The following PLXNA2 variants were observed in gnomAD, a reference collection of about 807,000 sequenced individuals.
The protein encoded by PLXNA2 is plexin-A2.
Under a neutral mutation model 193.5 loss-of-function variants are expected in PLXNA2, and 91 were observed. The ratio of observed to expected loss-of-function variants is 0.47; its 90% CI spans 0.40 to 0.56. The LOEUF (loss-of-function observed/expected upper bound fraction) is 0.56. Among genes scored for constraint, PLXNA2 ranks in the 20% least tolerant of loss-of-function variants. PLXNA2 has a pLI of 0.00. For synonymous variants in PLXNA2, 997 were observed against 1,027.3 expected, an observed-to-expected ratio of 0.97 and a Z score of 0.56; for missense variants, 1,995 against 2,503.2, an observed-to-expected ratio of 0.80 and a Z score of 4.33.
At chr1:208,121,993 C>T (rs1028881743) in intron 4 of PLXNA2, among the ~76,000 whole-genome samples, 11 of 152,184 alleles carry the variant, frequency 7.2e-5, no homozygotes, top group South Asian at 4.1e-4. Flanking sequence ...CATCTCCCCT[C>T]ATACCCCCAC....
At chr1:208,166,469 C>T (rs1231471700) in intron 3 of PLXNA2, among the ~76,000 whole-genome samples, 1 of 152,224 alleles carries the variant, frequency 6.6e-6, no homozygotes, top group Non-Finnish European at 1.5e-5. Flanking sequence ...GCTTGAATGC[C>T]TCCTGTGCAA....
At chr1:208,243,365 C>T (rs1672124870) in intron 1 of PLXNA2, among the ~76,000 whole-genome samples, 1 of 152,044 alleles carries the variant, frequency 6.6e-6, no homozygotes, top group Admixed American at 6.5e-5. Flanking sequence ...CTGCTGCCGC[C>T]CTCAGCCCGC....
In PLXNA2 at chr1:208,024,303, AAGAGAGGCCAAC is replaced by A. The variant is rs1348787557; in HGVS notation, c.*2928_*2939del. 6.6e-6 allele frequency: 1 copy of A among 152,024 alleles called. No homozygotes were observed. The highest frequency in any genetic ancestry group is 1.5e-5 in the Non-Finnish European group (1 of 68,024). The allele number at this position is 152,024 out of a possible 1,614,324, so 9.4% of individuals were successfully genotyped here. A position where few individuals can be genotyped will look rare whatever the true frequency, so the allele number is the denominator to read the frequency against. On this transcript the variant is annotated 3_prime_UTR_variant, in exon 32 of 32. Transcript: ENST00000367033. ...TATCCTCAAATTGGATAACAGGGAG[AAGAGAGGCCAAC>A]CAACTCCCTCTTTTTCTCATCCAAA...
chr1:208,163,665 C>T (rs1284673094), intron 3 of PLXNA2, among the ~76,000 whole-genome samples: 1 of 152,182 alleles, frequency 6.6e-6, no homozygotes, highest in Admixed American at 6.5e-5. Flanking sequence ...TCCCTTTTCT[C>T]CCAGTAGTTC....
At position 208,235,077 on chromosome 1, in the gene PLXNA2, C is replaced by T. The variant is rs1038046007; in HGVS notation, c.-81+8566G>A. Among the ~76,000 whole-genome samples, 11 of 152,200 alleles carry T rather than the reference C, an allele frequency of 7.2e-5. 1 individual carries two copies. The highest frequency in any genetic ancestry group is 3.3e-4 in the Admixed American group (5 of 15,280). On this transcript the variant is annotated intron_variant, in intron 1 of 31. Coordinates refer to ENST00000367033, the MANE Select transcript of PLXNA2 (RefSeq NM_025179.4). ...CAGCAATGCCAACCTACCAATCCTA[C>T]GACAGTGTCATTCATGTACACTCTC...
chr1:208,130,483 A>G (rs1196807916), intron 4 of PLXNA2, among the ~76,000 whole-genome samples: 1 of 152,212 alleles, frequency 6.6e-6, no homozygotes, highest in African/African-American at 2.4e-5. Flanking sequence ...TGTTCTCACA[A>G]GCACATGCAT....
At chr1:208,161,381 T>C (rs993453218) in intron 3 of PLXNA2, among the ~76,000 whole-genome samples, 1 of 152,196 alleles carries the variant, frequency 6.6e-6, no homozygotes, top group South Asian at 2.1e-4. Flanking sequence ...AGAAAAGGCT[T>C]TATTTTATTT....
chr1:208,200,135 C>G (rs997174666), intron 3 of PLXNA2, among the ~76,000 whole-genome samples: 35 of 152,274 alleles, frequency 2.3e-4, no homozygotes, highest in African/African-American at 7.7e-4. Context: ...AACCATAACA[C>G]AGGGTAGGAT....
At chr1:208,240,332 C>G (rs1672006643) in intron 1 of PLXNA2, among the ~76,000 whole-genome samples, 1 of 152,222 alleles carries the variant, frequency 6.6e-6, no homozygotes, top group South Asian at 2.1e-4. Context: ...CCAGCCATCC[C>G]TCCCTCGTGC....
At chr1:208,240,689 G>A (rs926897691) in intron 1 of PLXNA2, among the ~76,000 whole-genome samples, 6 of 147,806 alleles carry the variant, frequency 4.1e-5, no homozygotes, top group African/African-American at 1.0e-4. Context: ...GTTTCCCTAT[G>A]GACAGTCAGT....
intron 3 of PLXNA2, among the ~76,000 whole-genome samples, chr1:208,203,243 G>A (rs913929261): frequency 5.9e-5 from 9 of 152,278 alleles, no homozygotes; most frequent in African/African-American, 9.6e-5. Flanking sequence ...GCGGGAGCCC[G>A]GGCAGGGAGC....
rs555628821 is a variant in PLXNA2 at position 208,222,696 on chromosome 1, C to A, written c.-80-4694G>T. 2.6e-5 allele frequency among the ~76,000 whole-genome samples: 4 copies of A among 152,334 alleles called. No individual in the cohort carries two copies. In the South Asian group the frequency reaches 8.3e-4, roughly 32 times the overall value. ...AGAGGATTGTCTCCTCCCTGCTACC[C>A]TCTCCTATTGCCCTTTTCAGGAGAT... On this transcript the variant is annotated intron_variant, in intron 1 of 31. Transcript: ENST00000367033.
At chr1:208,033,245 C>T in intron 28 of PLXNA2, 74 bp downstream of exon 28, 1 of 1,376,824 alleles carries the variant, frequency 7.3e-7, no homozygotes, top group South Asian at 1.3e-5. Flanking sequence ...CTCCAGACAT[C>T]CTTTCTGTGT....
chr1:208,116,385 T>C (rs1430327669), intron 4 of PLXNA2, among the ~76,000 whole-genome samples: 1 of 152,232 alleles, frequency 6.6e-6, no homozygotes, highest in African/African-American at 2.4e-5. Context: ...ACGAAATAGG[T>C]CTATAAATAC....
intron 3 of PLXNA2, among the ~76,000 whole-genome samples, chr1:208,156,406 T>C (rs1044061128): frequency 1.3e-5 from 2 of 152,134 alleles, no homozygotes; most frequent in African/African-American, 4.8e-5. Flanking sequence ...GAATTGGACA[T>C]GACGCCAGGC....
intron 3 of PLXNA2, among the ~76,000 whole-genome samples, chr1:208,149,019 C>T (rs758336519): frequency 2.0e-5 from 3 of 152,208 alleles, no homozygotes; most frequent in Non-Finnish European, 4.4e-5. Context: ...CGCTCAACAT[C>T]ACTCTCAGCA....
At chr1:208,180,537 T>C (rs1303787035) in intron 3 of PLXNA2, among the ~76,000 whole-genome samples, 3 of 152,100 alleles carry the variant, frequency 2.0e-5, no homozygotes, top group African/African-American at 7.2e-5. Context: ...CAAGAGCTCA[T>C]GCTTAACTTT....
intron 4 of PLXNA2, among the ~76,000 whole-genome samples, chr1:208,108,715 C>A (rs1667357252): frequency 6.6e-6 from 1 of 152,212 alleles, no homozygotes; most frequent in South Asian, 2.1e-4. Flanking sequence ...ATCAGGGCTA[C>A]ATTCTCTTCC....
chr1:208,195,426 G>T (rs1159860970), intron 3 of PLXNA2, among the ~76,000 whole-genome samples: 3 of 152,086 alleles, frequency 2.0e-5, no homozygotes, highest in Non-Finnish European at 2.9e-5. Context: ...GACCCACCAG[G>T]CACTGTGCTT....
Sources: allele counts gnomAD v4.1 joint callset (sites outside exome capture counted in the v4.1 genomes callset), GRCh38; gene constraint gnomAD v4.1.1; transcripts MANE v1.5; gene names NCBI Gene and HGNC (gene_info 2026-07-23, HGNC 2026-07-21).